Variants in ALKBH1 observed in about 807,000 individuals in gnomAD.
ALKBH1 encodes alkB homolog 1, histone H2A dioxygenase.
A neutral mutation model predicts 36.6 loss-of-function variants in ALKBH1; 31 were observed. The observed-to-expected ratio is 0.85, with a 90% CI of 0.64 to 1.14. ALKBH1 has a LOEUF of 1.14. ALKBH1 is among the 50% of genes most tolerant of loss of function. ALKBH1 has a pLI of 0.00. For synonymous variants in ALKBH1, 183 were observed against 186.6 expected (o/e 0.98, Z 0.16); for missense variants, 490 against 497.3 (o/e 0.99, Z 0.14).
Position 77,704,486 on chromosome 14 carries a change from A to C in ALKBH1, c.184-9T>G. 1 of 1,606,724 alleles carries C rather than the reference A, an allele frequency of 6.2e-7. No individual in the cohort carries two copies. On this transcript the variant is annotated splice_polypyrimidine_tract_variant and intron_variant, in intron 1 of 5. Coordinates refer to ENST00000216489, the MANE Select transcript of ALKBH1 (RefSeq NM_006020.3). Reference sequence around the variant, plus strand: ...AGCTGAGATTTGATCACCTGGCAGGAAGGAAACAGAAGTTAAAGGACTAAA... The same window carrying C: ...AGCTGAGATTTGATCACCTGGCAGGCAGGAAACAGAAGTTAAAGGACTAAA...
chr14:77,678,166 G>C (rs1240212144), intron 4 of ALKBH1, among the ~76,000 whole-genome samples: 1 of 146,134 alleles, frequency 6.8e-6, no homozygotes, highest in African/African-American at 2.5e-5. Context: ...ACACCATTGA[G>C]ATCACTTTAC....
At chr14:77,704,699 A>G (rs560418466) in intron 1 of ALKBH1, among the ~76,000 whole-genome samples, 2 of 152,144 alleles carry the variant, frequency 1.3e-5, no homozygotes, top group South Asian at 2.1e-4. Flanking sequence ...TGGCCTCCCA[A>G]AGCAATGGGA....
intron 1 of ALKBH1, among the ~76,000 whole-genome samples, chr14:77,706,425 C>A (rs1052691684): frequency 6.6e-6 from 1 of 152,134 alleles, no homozygotes; most frequent in South Asian, 2.1e-4. Context: ...TGAACGACAC[C>A]ACTGAGCTTT....
chr14:77,707,637 G>C (rs193123719), intron 1 of ALKBH1, among the ~76,000 whole-genome samples, 185 bp downstream of exon 1: 4 of 152,328 alleles, frequency 2.6e-5, no homozygotes, highest in Non-Finnish European at 5.9e-5. Context: ...TAAAGAAACA[G>C]GCATCTCAAC....
intron 1 of ALKBH1, among the ~76,000 whole-genome samples, chr14:77,706,863 T>C (rs1374186567): frequency 6.6e-6 from 1 of 152,212 alleles, no homozygotes; most frequent in Non-Finnish European, 1.5e-5. Flanking sequence ...CACTTAATAC[T>C]GTAGCATCCC....
intron 4 of ALKBH1, among the ~76,000 whole-genome samples, chr14:77,677,834 T>C (rs2080214161): frequency 1.3e-5 from 2 of 152,172 alleles, no homozygotes; most frequent in South Asian, 4.1e-4. Context: ...GTCCCTCAGA[T>C]AATCAAACAG....
rs978519100 is a variant in ALKBH1 at position 77,673,857 on chromosome 14, G to A, written c.1125C>T (p.Asp375=). 6 of 1,614,050 alleles carry A rather than the reference G, an allele frequency of 3.7e-6. No homozygotes were observed. The African/African-American group carries it at 8.0e-5, about 22-fold the overall frequency. ...TGGCCCGTTTTACTTCGCTATTCTG[G>A]TCATCCAGATGGCAGAAACCTTCTG... ...ISTEGFCHLD[D]QNSEVKRARI... The change falls in exon 6 of 6, where the codon GAC becomes GAT. Residue 375 remains aspartate (D), a synonymous_variant. Transcript: ENST00000216489.
rs1354048381 is a variant in ALKBH1, at chr14:77,674,178, C to G, written c.804G>C (p.Met268Ile). The G allele has an allele frequency of 1.2e-6, 2 of 1,613,978 alleles. No homozygotes were observed. The highest frequency in any genetic ancestry group is 2.7e-5 in the African/African-American group (2 of 74,946). ...GLQRDEAPTA[M>I]FMHSGDIMIM... ...TCATGATGTCACCACTGTGCATAAACATGGCCGTGGGGGCCTCATCCCTTT... is the reference window on the plus strand; with the variant it reads ...TCATGATGTCACCACTGTGCATAAAGATGGCCGTGGGGGCCTCATCCCTTT... Residue 268 changes from methionine to isoleucine, a missense_variant, in exon 6 of 6, where the codon ATG becomes ATC. Coordinates refer to ENST00000216489, the MANE Select transcript of ALKBH1 (RefSeq NM_006020.3).
Position 77,683,130 on chromosome 14 carries a change from T to C in ALKBH1, c.456-3160A>G, listed in dbSNP as rs186232651. Reference sequence around the variant, plus strand: ...ACCTCCCAGAGTGCTAAGTGAGGCATCACACCAAGCTGTAAAGTCTTTTTT... The same window carrying C: ...ACCTCCCAGAGTGCTAAGTGAGGCACCACACCAAGCTGTAAAGTCTTTTTT... On this transcript the variant is annotated intron_variant, in intron 3 of 5. Coordinates refer to ENST00000216489, the MANE Select transcript of ALKBH1 (RefSeq NM_006020.3). 139 of 537,938 alleles carry C rather than the reference T, an allele frequency of 2.6e-4. No homozygotes were observed. In the East Asian group the frequency reaches 4.5e-3, roughly 18 times the overall value. 33.3% of individuals were successfully genotyped at this position (537,938 alleles called of 1,614,324 possible).
rs192075388 is a variant in ALKBH1 at position 77,702,905 on chromosome 14, A to C, written c.292+1464T>G. Reference sequence around the variant, plus strand: ...TGAGGTGTCTCACGCCTGTAATCCTAGCACTCTGGGAGACCGAGGCGGGTG... The same window carrying C: ...TGAGGTGTCTCACGCCTGTAATCCTCGCACTCTGGGAGACCGAGGCGGGTG... On this transcript the variant is annotated intron_variant, in intron 2 of 5. Transcript: ENST00000216489. Among the ~76,000 whole-genome samples, 256 of 152,230 alleles carry C rather than the reference A, an allele frequency of 1.7e-3. 1 individual carries two copies. Among genetic ancestry groups the C allele is most frequent in the African/African-American group, 5.9e-3 (244 of 41,538 alleles).
chr14:77,693,031 C>T (rs2080306482), intron 3 of ALKBH1, among the ~76,000 whole-genome samples: 1 of 151,554 alleles, frequency 6.6e-6, no homozygotes, highest in African/African-American at 2.4e-5. Context: ...CATGGAGAAA[C>T]CCCTACCTCT....
chr14:77,692,918 T>TA (rs1292253250), intron 3 of ALKBH1, among the ~76,000 whole-genome samples: 10 of 145,076 alleles, frequency 6.9e-5, no homozygotes, highest in Non-Finnish European at 1.2e-4. Flanking sequence ...AAAAAAAAAT[T>TA]TTTTTGGGGC....
chr14:77,697,829 A>G (rs2139861802), intron 2 of ALKBH1, among the ~76,000 whole-genome samples: 1 of 152,244 alleles, frequency 6.6e-6, no homozygotes, highest in East Asian at 1.9e-4. Flanking sequence ...CCTGGGCAGC[A>G]TGGTGAAACC....
At chr14:77,679,116 C>T (rs891817308) in intron 4 of ALKBH1, among the ~76,000 whole-genome samples, 5 of 151,996 alleles carry the variant, frequency 3.3e-5, no homozygotes, top group African/African-American at 1.2e-4. Flanking sequence ...CGCGTGTGAT[C>T]GGTATCCATA....
intron 5 of ALKBH1, 105 bp downstream of exon 5, chr14:77,675,551 A>G (rs2080200564): frequency 9.8e-6 from 10 of 1,016,476 alleles, no homozygotes; most frequent in Non-Finnish European, 1.4e-5. Flanking sequence ...ATAGAGTCCA[A>G]CCACTTTTTT....
chr14:77,686,187 T>A (rs572317390), intron 3 of ALKBH1, among the ~76,000 whole-genome samples: 1 of 152,310 alleles, frequency 6.6e-6, no homozygotes, highest in African/African-American at 2.4e-5. Flanking sequence ...ATTCCAAGAT[T>A]TGTTCTTGAA....
At chr14:77,675,877 A>G in intron 4 of ALKBH1, 28 bp from the exon 5 acceptor site, 1 of 1,556,924 alleles carries the variant, frequency 6.4e-7, no homozygotes, top group Non-Finnish European at 8.9e-7. Context: ...AGAATAAGAA[A>G]AATAAACAAT....
chr14:77,688,744 G>C lies in ALKBH1; in HGVS notation c.455+5994C>G, dbSNP rs575266919. Among the ~76,000 whole-genome samples the C allele has an allele frequency of 5.3e-5, 8 of 151,644 alleles. 1 individual carries two copies. The East Asian group carries it at 1.5e-3, about 29-fold the overall frequency. On this transcript the variant is annotated intron_variant, in intron 3 of 5. Coordinates refer to ENST00000216489, the MANE Select transcript of ALKBH1 (RefSeq NM_006020.3). The stretch of plus-strand genomic sequence containing the variant: ...CTGCCACCATGCCCAGCTATTTTTT[G>C]TATTTTTAGTAGAGACGGGGTTTCA...
intron 2 of ALKBH1, among the ~76,000 whole-genome samples, chr14:77,698,276 T>C (rs2080339016): frequency 6.6e-6 from 1 of 152,156 alleles, no homozygotes; most frequent in Non-Finnish European, 1.5e-5. Context: ...GAGCAAGGTC[T>C]TGAAAGCTGG....
Sources: gnomAD v4.1 joint callset for allele counts (sites outside exome capture counted in the v4.1 genomes callset) on GRCh38, gnomAD v4.1.1 for gene constraint, MANE v1.5 for transcripts, NCBI Gene and HGNC (gene_info 2026-07-23, HGNC 2026-07-21) for gene names.